The following SRRM3 variants were observed in gnomAD, a reference collection of about 807,000 sequenced individuals.
SRRM3 encodes serine/arginine repetitive matrix 3.
A neutral mutation model predicts 66.2 loss-of-function variants in SRRM3; 27 were observed. The ratio of observed to expected loss-of-function variants is 0.41; its 90% CI spans 0.30 to 0.56. SRRM3 has a LOEUF of 0.56. Among genes scored for constraint, SRRM3 ranks in the 20% least tolerant of loss-of-function variants. The pLI is 0.32. For synonymous variants in SRRM3, 391 were observed against 414.9 expected (o/e 0.94, Z 0.70); for missense variants, 918 against 991.9 (o/e 0.93, Z 1.00).
intron 11 of SRRM3, among the ~76,000 whole-genome samples, chr7:76,275,557 A>C (rs1445776400): frequency 3.3e-5 from 5 of 151,992 alleles, no homozygotes. Context: ...CTGACAGGAG[A>C]AACTGTGTTG....
chr7:76,281,857 C>A, intron 12 of SRRM3, 55 bp downstream of exon 12: 1 of 1,165,490 alleles, frequency 8.6e-7, no homozygotes, highest in Non-Finnish European at 1.1e-6. Context: ...ACAGGGCTCC[C>A]CTCCACTAGC....
intron 1 of SRRM3, among the ~76,000 whole-genome samples, chr7:76,218,877 A>T (rs1554602901): frequency 6.6e-6 from 1 of 151,142 alleles, no homozygotes; most frequent in Non-Finnish European, 1.5e-5. Flanking sequence ...TTTTTCAGAC[A>T]GAGTGTCGCT....
chr7:76,265,058 C>T (rs1226156008), intron 9 of SRRM3, among the ~76,000 whole-genome samples: 1 of 152,114 alleles, frequency 6.6e-6, no homozygotes, highest in African/African-American at 2.4e-5. Flanking sequence ...CACCCTCCTT[C>T]CTCCCACCCC....
intron 11 of SRRM3, among the ~76,000 whole-genome samples, chr7:76,275,841 G>A (rs950573123): frequency 4.6e-5 from 7 of 152,070 alleles, no homozygotes; most frequent in East Asian, 1.9e-4. Context: ...TTAGGAGGCC[G>A]AGGCAGGAGG....
chr7:76,271,982 A>G (rs970459565), intron 11 of SRRM3, among the ~76,000 whole-genome samples: 6 of 152,192 alleles, frequency 3.9e-5, no homozygotes, highest in African/African-American at 1.4e-4. Flanking sequence ...ATGTGGGGAA[A>G]TAAATATCGA....
rs1318729363 is a variant in SRRM3, at chr7:76,260,868, C to T, written c.546-6C>T. 1.9e-6 allele frequency: 3 copies of T among 1,559,346 alleles called. No homozygotes were observed. Among genetic ancestry groups the T allele is most frequent in the East Asian group, 2.4e-5 (1 of 41,698 alleles). On this transcript the variant is annotated splice_region_variant and splice_polypyrimidine_tract_variant and intron_variant, in intron 5 of 14. Coordinates refer to ENST00000611745, the MANE Select transcript of SRRM3 (RefSeq NM_001110199.3). ...TCTGTCCTTTCTTCCTGGCATCTGC[C>T]CTCAGCAAAAAGAGGAGACTGGAGT... is the stretch of plus-strand genomic sequence containing the variant.
rs1355935136 is a variant in SRRM3, at chr7:76,265,851, T to C, written c.830+383T>C. Among the ~76,000 whole-genome samples, 2 of 13,078 alleles carry C rather than the reference T, an allele frequency of 1.5e-4. 1 individual carries two copies. The highest frequency in any genetic ancestry group is 2.0e-4 in the Non-Finnish European group (2 of 9,932). The allele number at this position is 13,078 out of a possible 152,430, so 8.6% of individuals were successfully genotyped here. ...ATTTATATATATATATATATATATATATATATATTTTTTTTTTTTTTTTTT... is the reference window on the plus strand; with the variant it reads ...ATTTATATATATATATATATATATACATATATATTTTTTTTTTTTTTTTTT... On this transcript the variant is annotated intron_variant, in intron 10 of 14. Coordinates refer to ENST00000611745, the MANE Select transcript of SRRM3 (RefSeq NM_001110199.3).
At chr7:76,228,877 C>T (rs922007346) in intron 1 of SRRM3, among the ~76,000 whole-genome samples, 2 of 150,202 alleles carry the variant, frequency 1.3e-5, no homozygotes, top group Non-Finnish European at 3.0e-5. Context: ...ACCTGGGGGA[C>T]GTGAGCAATT....
intron 5 of SRRM3, 147 bp downstream of exon 5, chr7:76,260,344 C>A: frequency 1.7e-6 from 1 of 595,466 alleles, no homozygotes; most frequent in Non-Finnish European, 2.7e-6. Flanking sequence ...CGTCCCCCGA[C>A]TAGGTGCCCT....
chr7:76,229,965 A>G (rs1203240098), intron 1 of SRRM3, among the ~76,000 whole-genome samples: 5 of 151,932 alleles, frequency 3.3e-5, no homozygotes, highest in Admixed American at 3.3e-4. Flanking sequence ...GCTGGTCTCG[A>G]ACTCCTGACC....
At chr7:76,258,023 T>TATAC (rs1801756002) in intron 3 of SRRM3, among the ~76,000 whole-genome samples, 1 of 152,054 alleles carries the variant, frequency 6.6e-6, no homozygotes, top group Admixed American at 6.6e-5. Context: ...GAAGAGCCTG[T>TATAC]AGGGAGCCAA....
chr7:76,217,617 C>G (rs1800602052), intron 1 of SRRM3, among the ~76,000 whole-genome samples: 1 of 152,142 alleles, frequency 6.6e-6, no homozygotes, highest in Non-Finnish European at 1.5e-5. Flanking sequence ...AGCATAAAAC[C>G]TTCAGAAGTG....
At chr7:76,255,144 CTTTCTTT>C (rs1801678909) in intron 3 of SRRM3, among the ~76,000 whole-genome samples, 1 of 70,314 alleles carries the variant, frequency 1.4e-5, no homozygotes, top group South Asian at 4.9e-4. Flanking sequence ...TTCTTTCTTT[CTTTCTTT>C]TTTTTTTTTT....
chr7:76,275,248 T>G (rs1377167793), intron 11 of SRRM3, among the ~76,000 whole-genome samples: 2 of 151,154 alleles, frequency 1.3e-5, no homozygotes, highest in Non-Finnish European at 2.9e-5. Context: ...CGGAGGCAGG[T>G]GTCAGGGAGC....
chr7:76,222,852 A>G (rs539417099), intron 1 of SRRM3, among the ~76,000 whole-genome samples: 34 of 151,926 alleles, frequency 2.2e-4, no homozygotes, highest in Admixed American at 8.5e-4. Context: ...CTGACCTCCA[A>G]TGATTCTCCT....
intron 8 of SRRM3, among the ~76,000 whole-genome samples, chr7:76,263,111 T>C (rs1428404654): frequency 2.0e-5 from 3 of 152,084 alleles, no homozygotes; most frequent in East Asian, 3.9e-4. Context: ...TCAGTGTGGG[T>C]CCCTACTGCC....
intron 2 of SRRM3, among the ~76,000 whole-genome samples, chr7:76,242,434 G>T (rs1219688579): frequency 6.6e-6 from 1 of 150,770 alleles, no homozygotes; most frequent in African/African-American, 2.5e-5. Context: ...GTGGTGAGCC[G>T]AGATTGCACC....
chr7:76,264,001 G>C (rs1801948173), intron 8 of SRRM3, among the ~76,000 whole-genome samples: 1 of 151,554 alleles, frequency 6.6e-6, no homozygotes, highest in Non-Finnish European at 1.5e-5. Context: ...GGAGGAAGGG[G>C]GCACAGGAGG....
intron 2 of SRRM3, among the ~76,000 whole-genome samples, chr7:76,237,294 C>A (rs1554605073): frequency 6.6e-6 from 1 of 152,214 alleles, no homozygotes; most frequent in African/African-American, 2.4e-5. Context: ...CTAGTCCCAG[C>A]TGCTCAGGAG....
Sources: gnomAD v4.1 joint callset for allele counts (sites outside exome capture counted in the v4.1 genomes callset) on GRCh38, gnomAD v4.1.1 for gene constraint, MANE v1.5 for transcripts, NCBI Gene and HGNC (gene_info 2026-07-23, HGNC 2026-07-21) for gene names.